Variants in LHFPL6 observed in about 807,000 individuals in gnomAD.
LHFPL6 encodes the protein LHFPL tetraspan subfamily member 6 protein.
Under a neutral mutation model 20.6 loss-of-function variants are expected in LHFPL6, and 9 were observed. That is an observed-to-expected ratio of 0.44 (90% CI 0.26 to 0.76). The LOEUF is 0.76. LHFPL6 is among the 30% of genes least tolerant of loss of function. LHFPL6 has a pLI of 0.20. For missense variants in LHFPL6, 218 were observed against 253.5 expected, an observed-to-expected ratio of 0.86 and a Z score of 0.95; for synonymous variants, 105 against 98.7, an observed-to-expected ratio of 1.06 and a Z score of -0.38.
At chr13:39,552,800 C>T (rs1392050804) in intron 2 of LHFPL6, among the ~76,000 whole-genome samples, 1 of 152,228 alleles carries the variant, frequency 6.6e-6, no homozygotes, top group Non-Finnish European at 1.5e-5. Context: ...GGCACAGTTA[C>T]ATATTTAGCC....
intron 2 of LHFPL6, among the ~76,000 whole-genome samples, chr13:39,383,567 T>C (rs761277256): frequency 3.4e-4 from 51 of 152,236 alleles, no homozygotes; most frequent in Admixed American, 6.5e-4. Context: ...GGAGGATGGC[T>C]GTGCTAGATA....
intron 2 of LHFPL6, among the ~76,000 whole-genome samples, chr13:39,456,857 C>T (rs542667759): frequency 5.2e-4 from 79 of 151,348 alleles, no homozygotes; most frequent in African/African-American, 1.5e-3. Flanking sequence ...AGTGCAATGG[C>T]GTGATCTCGG....
At chr13:39,349,977 T>C (rs985438964) in intron 3 of LHFPL6, among the ~76,000 whole-genome samples, 1 of 152,190 alleles carries the variant, frequency 6.6e-6, no homozygotes, top group African/African-American at 2.4e-5. Flanking sequence ...AGCCTGAAAA[T>C]TCCCTCTTTG....
chr13:39,513,363 T>C lies in LHFPL6; in HGVS notation c.385+87469A>G, dbSNP rs1055088143. ...TTTTCTCAGCCTTCATCTCTTATAC[T>C]CCCAAGTTTGTATTATCTTCTACAT... On this transcript the variant is annotated intron_variant, in intron 2 of 3. Transcript: ENST00000379589. Among the ~76,000 whole-genome samples the C allele has an allele frequency of 8.5e-5, 13 of 152,344 alleles. No individual in the cohort carries two copies. In the East Asian group the frequency reaches 1.4e-3, roughly 16 times the overall value.
At chr13:39,553,894 G>C (rs1238836621) in intron 2 of LHFPL6, among the ~76,000 whole-genome samples, 2 of 152,022 alleles carry the variant, frequency 1.3e-5, no homozygotes, top group African/African-American at 4.8e-5. Context: ...CAGACAATCA[G>C]TGAAAAAAAG....
intron 2 of LHFPL6, among the ~76,000 whole-genome samples, chr13:39,560,336 G>A (rs192339229): frequency 6.6e-6 from 1 of 152,054 alleles, no homozygotes; most frequent in African/African-American, 2.4e-5. Flanking sequence ...ATTTTCTTGA[G>A]GTTATATAGC....
intron 2 of LHFPL6, among the ~76,000 whole-genome samples, chr13:39,486,318 G>T (rs1303209268): frequency 6.6e-6 from 1 of 152,096 alleles, no homozygotes; most frequent in Non-Finnish European, 1.5e-5. Flanking sequence ...TATTTCCACA[G>T]AAGGGCTAGC....
intron 3 of LHFPL6, among the ~76,000 whole-genome samples, chr13:39,348,312 C>T (rs1408524916): frequency 2.6e-5 from 4 of 152,134 alleles, no homozygotes; most frequent in African/African-American, 7.2e-5. Context: ...CTTCAGAGGA[C>T]CCATGAGTGA....
chr13:39,467,104 C>G (rs1412186220), intron 2 of LHFPL6, among the ~76,000 whole-genome samples: 1 of 152,174 alleles, frequency 6.6e-6, no homozygotes, highest in East Asian at 1.9e-4. Flanking sequence ...GAGAGAACCT[C>G]AGTTTATTAT....
chr13:39,382,456 G>T (rs1359137973), intron 2 of LHFPL6, among the ~76,000 whole-genome samples: 1 of 152,100 alleles, frequency 6.6e-6, no homozygotes, highest in Non-Finnish European at 1.5e-5. Context: ...AGGCTGGAGT[G>T]CAGTGGTGTG....
intron 2 of LHFPL6, among the ~76,000 whole-genome samples, chr13:39,389,117 C>T (rs1217738380): frequency 6.6e-6 from 1 of 152,166 alleles, no homozygotes; most frequent in Non-Finnish European, 1.5e-5. Context: ...GGTTGCATTC[C>T]TGTCTGAATG....
intron 2 of LHFPL6, among the ~76,000 whole-genome samples, chr13:39,540,355 G>A (rs1315797618): frequency 6.6e-6 from 1 of 151,998 alleles, no homozygotes; most frequent in East Asian, 1.9e-4. Flanking sequence ...AGAAAAAATT[G>A]CTAATTTTAA....
chr13:39,592,636 T>C (rs1401027087), intron 2 of LHFPL6, among the ~76,000 whole-genome samples: 1 of 152,164 alleles, frequency 6.6e-6, no homozygotes, highest in Non-Finnish European at 1.5e-5. Flanking sequence ...GCCAGCATCA[T>C]CCTGATATCA....
chr13:39,390,350 T>C (rs1165974593), intron 2 of LHFPL6, among the ~76,000 whole-genome samples: 3 of 151,660 alleles, frequency 2.0e-5, no homozygotes, highest in Admixed American at 2.0e-4. Flanking sequence ...AAAAAAAAAT[T>C]AGCCACGCGT....
At chr13:39,413,071 T>C (rs1327074173) in intron 2 of LHFPL6, among the ~76,000 whole-genome samples, 4 of 152,214 alleles carry the variant, frequency 2.6e-5, no homozygotes, top group Admixed American at 6.5e-5. Flanking sequence ...GAGCCCTAAC[T>C]CTACCCCAAG....
intron 3 of LHFPL6, among the ~76,000 whole-genome samples, chr13:39,350,794 C>T (rs1869546274): frequency 6.6e-6 from 1 of 152,188 alleles, no homozygotes; most frequent in South Asian, 2.1e-4. Flanking sequence ...ATACCATAGC[C>T]ACCTGCCAAG....
chr13:39,602,086 T>G (rs991881868), intron 1 of LHFPL6, among the ~76,000 whole-genome samples: 2 of 152,182 alleles, frequency 1.3e-5, no homozygotes, highest in African/African-American at 4.8e-5. Flanking sequence ...TTGCAATCAT[T>G]TCTCCCACTG....
chr13:39,576,312 T>A (rs1872114013), intron 2 of LHFPL6, among the ~76,000 whole-genome samples: 1 of 152,070 alleles, frequency 6.6e-6, no homozygotes, highest in Non-Finnish European at 1.5e-5. Context: ...GTTGGTAGAG[T>A]TTACTGCTTT....
intron 2 of LHFPL6, among the ~76,000 whole-genome samples, chr13:39,581,699 T>C (rs546857209): frequency 6.6e-6 from 1 of 152,190 alleles, no homozygotes; most frequent in African/African-American, 2.4e-5. Context: ...TTGATTTTTA[T>C]TGCAATCTAT....
Sources: allele counts gnomAD v4.1 joint callset (sites outside exome capture counted in the v4.1 genomes callset), GRCh38; gene constraint gnomAD v4.1.1; transcripts MANE v1.5; gene names NCBI Gene and HGNC (gene_info 2026-07-23, HGNC 2026-07-21).